PTPN2: variants seen among roughly 807,000 people sequenced by gnomAD.
PTPN2 encodes the protein tyrosine-protein phosphatase non-receptor type 2.
PTPN2 carries 19 observed loss-of-function variants against 57.3 expected under a neutral mutation model. The ratio of observed to expected loss-of-function variants is 0.33; its 90% CI spans 0.23 to 0.49. The LOEUF is 0.49. PTPN2 is among the 20% of genes least tolerant of loss of function. PTPN2 has a pLI of 0.99. For missense variants in PTPN2, 358 were observed against 501.1 expected (o/e 0.71, Z 2.73); for synonymous variants, 153 against 164.9 (o/e 0.93, Z 0.55).
rs761344173 is a variant in PTPN2, at chr18:12,830,900, T to A, written c.360+43A>T. The A allele has an allele frequency of 2.1e-6, 3 of 1,406,414 alleles. No homozygotes were observed. The South Asian group carries it at 3.5e-5, about 17-fold the overall frequency. 87.1% of individuals were successfully genotyped at this position (1,406,414 alleles called of 1,614,324 possible). ...AATGAAAATCTTTATATGCTAATGA[T>A]CACATACAGTATACTAAGTTGTAAA... On this transcript the variant is annotated intron_variant, in intron 4 of 8. Transcript: ENST00000309660.
At chr18:12,787,945 G>C (rs1273947904), downstream of PTPN2, 4 of 154,502 alleles carry the variant, frequency 2.6e-5, no homozygotes, top group East Asian at 7.7e-4. Context: ...GCCACGAAAA[G>C]CCAAATTGCA....
chr18:12,843,946 C>A (rs1208134359), intron 2 of PTPN2: 1 of 152,172 alleles, frequency 6.6e-6, no homozygotes, highest in Admixed American at 6.5e-5. Flanking sequence ...CCTTGGCAGG[C>A]ACACTCTTCC....
intron 1 of PTPN2, among the ~76,000 whole-genome samples, chr18:12,870,798 C>A (rs1370593028): frequency 6.6e-6 from 1 of 151,748 alleles, no homozygotes; most frequent in Non-Finnish European, 1.5e-5. Context: ...AGTGAGCCAC[C>A]GCGCCCGGCA....
chr18:12,872,345 T>G (rs938868109), intron 1 of PTPN2: 2 of 152,184 alleles, frequency 1.3e-5, no homozygotes, highest in African/African-American at 4.8e-5. Flanking sequence ...AATAATTCAG[T>G]ATCAGATTTT....
At chr18:12,862,011 C>A (rs1043791271) in intron 1 of PTPN2, 3 of 152,180 alleles carry the variant, frequency 2.0e-5, no homozygotes, top group African/African-American at 7.2e-5. Flanking sequence ...CTAATAAGAT[C>A]TCTTGCATTG....
chr18:12,870,304 TATATAC>T (rs1444595945), intron 1 of PTPN2, among the ~76,000 whole-genome samples: 4 of 88,536 alleles, frequency 4.5e-5, no homozygotes, highest in African/African-American at 2.6e-4. Context: ...TATATGTGTA[TATATAC>T]ATATATATGT....
intron 7 of PTPN2, among the ~76,000 whole-genome samples, chr18:12,808,890 C>G (rs892426031): frequency 3.3e-5 from 5 of 152,208 alleles, no homozygotes; most frequent in Non-Finnish European, 7.4e-5. Context: ...TTGCTTGAAT[C>G]TTAATCCACT....
At chr18:12,842,627 T>C (rs906242330) in intron 2 of PTPN2, among the ~76,000 whole-genome samples, 1 of 152,116 alleles carries the variant, frequency 6.6e-6, no homozygotes, top group Non-Finnish European at 1.5e-5. Context: ...ATACCTAACA[T>C]GTCTGAGGGA....
chr18:12,853,832 T>C (rs2043478901), intron 2 of PTPN2, among the ~76,000 whole-genome samples: 1 of 152,156 alleles, frequency 6.6e-6, no homozygotes, highest in African/African-American at 2.4e-5. Flanking sequence ...AAGCCCAGTA[T>C]GATAATGCTA....
chr18:12,834,194 G>A (rs2042768141), intron 3 of PTPN2, among the ~76,000 whole-genome samples: 1 of 152,106 alleles, frequency 6.6e-6, no homozygotes, highest in African/African-American at 2.4e-5. Context: ...GGGAGTGGTG[G>A]TGAGCACCTG....
intron 1 of PTPN2, among the ~76,000 whole-genome samples, chr18:12,869,976 C>T (rs1436191924): frequency 6.6e-6 from 1 of 151,926 alleles, no homozygotes; most frequent in Non-Finnish European, 1.5e-5. Flanking sequence ...TACTTATAGC[C>T]CTTAATATGC....
downstream of PTPN2, among the ~76,000 whole-genome samples, chr18:12,787,909 A>C (rs2040881505): frequency 6.6e-6 from 1 of 152,232 alleles, no homozygotes; most frequent in Admixed American, 6.5e-5. Context: ...CAGAGGGTCC[A>C]CTACCAAGTC....
At chr18:12,829,798 G>C (rs2042605943) in intron 4 of PTPN2, among the ~76,000 whole-genome samples, 1 of 152,036 alleles carries the variant, frequency 6.6e-6, no homozygotes, top group Non-Finnish European at 1.5e-5. Context: ...AACCCATAAT[G>C]AATTAAGAAG....
intron 7 of PTPN2, among the ~76,000 whole-genome samples, chr18:12,808,456 C>T (rs1191438964): frequency 6.7e-6 from 1 of 148,994 alleles, no homozygotes; most frequent in African/African-American, 2.4e-5. Context: ...CACTGAACCC[C>T]ATAAATATGT....
chr18:12,842,883 T>G (rs1420213939), intron 2 of PTPN2, among the ~76,000 whole-genome samples: 1 of 152,248 alleles, frequency 6.6e-6, no homozygotes, highest in African/African-American at 2.4e-5. Context: ...TTCAAATTCC[T>G]ACACCTGCTA....
At chr18:12,857,877 T>C (rs1254288173) in intron 2 of PTPN2, among the ~76,000 whole-genome samples, 1 of 152,222 alleles carries the variant, frequency 6.6e-6, no homozygotes. Context: ...AAACATAGTA[T>C]TTAATAGTAA....
At chr18:12,870,140 T>C (rs934010992) in intron 1 of PTPN2, among the ~76,000 whole-genome samples, 1 of 150,318 alleles carries the variant, frequency 6.7e-6, no homozygotes, top group Non-Finnish European at 1.5e-5. Flanking sequence ...GCATGTGCTA[T>C]GTGCTTTTAT....
chr18:12,812,168 A>T (rs2847289), intron 7 of PTPN2, among the ~76,000 whole-genome samples: 2 of 152,030 alleles, frequency 1.3e-5, no homozygotes, highest in African/African-American at 4.8e-5. Flanking sequence ...AACCAGCTTA[A>T]GTATTTATGC....
At chr18:12,819,181 TAC>T in intron 5 of PTPN2, 3 of 1,023,550 alleles carry the variant, frequency 2.9e-6, no homozygotes, top group Non-Finnish European at 4.2e-6. Context: ...ACTAATAAAA[TAC>T]AGTGAAATAA....
Sources: allele counts gnomAD v4.1 joint callset (sites outside exome capture counted in the v4.1 genomes callset), GRCh38; gene constraint gnomAD v4.1.1; transcripts MANE v1.5; gene names NCBI Gene and HGNC (gene_info 2026-07-23, HGNC 2026-07-21).